The following RESF1 variants were observed in gnomAD, a reference collection of about 807,000 sequenced individuals.
The protein encoded by RESF1 is retroelement silencing factor 1.
In RESF1, 65 loss-of-function variants were observed where a neutral mutation model predicts 134.7. The ratio of observed to expected loss-of-function variants is 0.48; its 90% CI spans 0.40 to 0.59. The LOEUF (loss-of-function observed/expected upper bound fraction) is 0.59, where lower values mean the gene tolerates loss of function less well. Among genes scored for constraint, RESF1 ranks in the 20% least tolerant of loss-of-function variants. The pLI, the probability that RESF1 is intolerant of heterozygous loss-of-function variation, is 0.00. For missense variants in RESF1, 2,274 were observed against 2,002.7 expected (o/e 1.14, Z -2.59); for synonymous variants, 762 against 702.2 (o/e 1.09, Z -1.35).
In RESF1 at chr12:31,982,326, A is replaced by G. The variant is rs760757780; in HGVS notation, c.1371A>G (p.Ile457Met). The G allele has an allele frequency of 1.2e-6, 2 of 1,614,198 alleles. No homozygotes were observed. The highest frequency in any genetic ancestry group is 8.5e-7 in the Non-Finnish European group (1 of 1,180,034). Reference sequence around the variant, plus strand: ...CCAAAATCCAGTCTGGACCCCAGATAACTCCAGTAATGCCAGAGAATGCAG... The same window carrying G: ...CCAAAATCCAGTCTGGACCCCAGATGACTCCAGTAATGCCAGAGAATGCAG... ...QTAKIQSGPQ[I>M]TPVMPENAER... Residue 457 changes from isoleucine to methionine, a missense_variant, in exon 4 of 6, where the codon ATA becomes ATG. Ile to Met is a conservative substitution (Grantham distance 10, BLOSUM62 1). Coordinates refer to ENST00000312561, the MANE Select transcript of RESF1 (RefSeq NM_018169.4).
chr12:31,976,556 C>A (rs113891585), intron 3 of RESF1, among the ~76,000 whole-genome samples: 2 of 151,790 alleles, frequency 1.3e-5, no homozygotes, highest in African/African-American at 2.4e-5. Flanking sequence ...GGTGGTGGGA[C>A]CCTGTAATCC....
At chr12:31,988,456 T>C (rs1940021901) in intron 5 of RESF1, among the ~76,000 whole-genome samples, 1 of 152,208 alleles carries the variant, frequency 6.6e-6, no homozygotes, top group Admixed American at 6.5e-5. Flanking sequence ...ATTTAAGGTA[T>C]GTGTGGGGGG....
At chr12:31,963,373 A>C (rs78463160) in intron 2 of RESF1, among the ~76,000 whole-genome samples, 8,648 of 151,782 alleles carry the variant, frequency 0.057, 360 homozygotes, top group Admixed American at 0.13. Flanking sequence ...ATGGAGCACA[A>C]CCTTTGGGTT....
At position 31,992,860 on chromosome 12, in the gene RESF1, A is replaced by C; in HGVS notation, c.*325A>C. The C allele has an allele frequency of 7.2e-6, 2 of 277,556 alleles. No homozygotes were observed. The highest frequency in any genetic ancestry group is 8.1e-5 in the South Asian group (2 of 24,600). The allele number at this position is 277,556 out of a possible 1,614,324, so 17.2% of individuals were successfully genotyped here. A position where few individuals can be genotyped will look rare whatever the true frequency, so the allele number is the denominator to read the frequency against. On this transcript the variant is annotated 3_prime_UTR_variant, in exon 6 of 6. Coordinates refer to ENST00000312561, the MANE Select transcript of RESF1 (RefSeq NM_018169.4). The stretch of plus-strand genomic sequence containing the variant: ...CTTGAGGGAGGACCGTTCCTCAGTT[A>C]AGGACTTGTTTATTTAAATGGGACT...
intron 3 of RESF1, among the ~76,000 whole-genome samples, chr12:31,977,374 G>T (rs1185134971): frequency 1.3e-5 from 2 of 152,034 alleles, no homozygotes; most frequent in Non-Finnish European, 2.9e-5. Flanking sequence ...AGAGACGGGG[G>T]CTTCACCATC....
At position 31,992,504 on chromosome 12, in the gene RESF1, G is replaced by A; in HGVS notation, c.5213G>A (p.Ser1738Asn). 1 of 1,613,934 alleles carries A rather than the reference G, an allele frequency of 6.2e-7. No individual in the cohort carries two copies. Among genetic ancestry groups the A allele is most frequent in the Non-Finnish European group, 8.5e-7 (1 of 1,179,946 alleles). Residue 1738 changes from serine to asparagine, a missense_variant, in exon 6 of 6, where the codon AGC (serine) becomes AAC (asparagine). Transcript: ENST00000312561. ...TYKQMYLEKR[S>N]RSLGSSPVK ...AAACAGATGTACCTGGAGAAGAGAAGCAGAAGCCTTGGTAGCAGTCCTGTA... is the reference window on the plus strand; with the variant it reads ...AAACAGATGTACCTGGAGAAGAGAAACAGAAGCCTTGGTAGCAGTCCTGTA...
At position 31,985,589 on chromosome 12, in the gene RESF1, C is replaced by T; in HGVS notation, c.4634C>T (p.Pro1545Leu). The T allele has an allele frequency of 1.2e-6, 2 of 1,602,692 alleles. No homozygotes were observed. Among genetic ancestry groups the T allele is most frequent in the South Asian group, 2.3e-5 (2 of 88,300 alleles). Reference protein sequence around the residue: ...NVKEKVGGKQPDKIWIDKTKL... With the variant: ...NVKEKVGGKQLDKIWIDKTKL... ...AAAGAAAAAGTTGGTGGGAAGCAGCCTGATAAAATATGGATTGATAAGACT... is the reference window on the plus strand; with the variant it reads ...AAAGAAAAAGTTGGTGGGAAGCAGCTTGATAAAATATGGATTGATAAGACT... Residue 1545 changes from proline to leucine, a missense_variant, in exon 4 of 6, where the codon CCT becomes CTT. Transcript: ENST00000312561.
chr12:31,973,314 T>A (rs917319119), intron 3 of RESF1, among the ~76,000 whole-genome samples: 5 of 130,834 alleles, frequency 3.8e-5, no homozygotes, highest in Admixed American at 3.0e-4. Flanking sequence ...GGATTTGACT[T>A]TTTTTTTTTT....
chr12:31,985,828 G>A lies in RESF1; in HGVS notation c.4873G>A (p.Gly1625Ser). 6.4e-7 allele frequency: 1 copy of A among 1,563,444 alleles called. No individual in the cohort carries two copies. Among genetic ancestry groups the A allele is most frequent in the Non-Finnish European group, 8.6e-7 (1 of 1,162,986 alleles). Residue 1625 changes from glycine to serine, a missense_variant, in exon 4 of 6, where the codon GGT becomes AGT. Gly to Ser is a moderately conservative substitution (Grantham distance 56). Coordinates refer to ENST00000312561, the MANE Select transcript of RESF1 (RefSeq NM_018169.4). ...NKHKTFLPVK[G>S]NTEKSNMLEF... ...ACATAAGACCTTTTTACCGGTGAAA[G>A]GTAACACAGAAAAATCAAACATGCT...
intron 1 of RESF1, chr12:31,959,914 C>T (rs928712218): frequency 6.6e-6 from 1 of 151,972 alleles, no homozygotes; most frequent in African/African-American, 2.4e-5. Context: ...GGTATGAGAG[C>T]TGCTTATGTT....
chr12:31,967,219 A>G (rs1297746692), intron 2 of RESF1, among the ~76,000 whole-genome samples: 7 of 152,198 alleles, frequency 4.6e-5, no homozygotes, highest in African/African-American at 1.7e-4. Flanking sequence ...TTAGTAATAT[A>G]TGAATCCATT....
rs147191685 is a variant in RESF1, at chr12:31,982,806, T to C, written c.1851T>C (p.Asn617=). The change falls in exon 4 of 6, where the codon AAT becomes AAC. Residue 617 remains asparagine, a synonymous_variant. Transcript: ENST00000312561. ...QDSKPDSCEM[N]PNTQMTGNQL... is the part of the protein sequence containing the mutation. Reference sequence around the variant, plus strand: ...CTAAACCAGACAGTTGTGAAATGAATCCAAATACCCAAATGACTGGTAACC... The same window carrying C: ...CTAAACCAGACAGTTGTGAAATGAACCCAAATACCCAAATGACTGGTAACC... 1.3e-3 allele frequency: 2,073 copies of C among 1,614,172 alleles called. 5 individuals are homozygous for C. Among genetic ancestry groups the C allele is most frequent in the South Asian group, 1.8e-3 (163 of 91,078 alleles).
chr12:31,981,361 G>C lies in RESF1; in HGVS notation c.406G>C (p.Val136Leu). The C allele has an allele frequency of 6.2e-7, 1 of 1,614,092 alleles. No homozygotes were observed. The highest frequency in any genetic ancestry group is 8.5e-7 in the Non-Finnish European group (1 of 1,180,006). ...NPVHSHIGAT[V>L]SHQTDFGANV... ...TGTGCATTCTCATATAGGGGCAACT[G>C]TATCTCATCAAACTGATTTTGGAGC... is the stretch of plus-strand genomic sequence containing the variant. The change falls in exon 4 of 6, where the codon GTA becomes CTA. Residue 136 changes from valine (V) to leucine (L), a missense_variant. Physicochemically the swap from Val to Leu is conservative, Grantham distance 32 (BLOSUM62 1). Coordinates refer to ENST00000312561, the MANE Select transcript of RESF1 (RefSeq NM_018169.4).
intron 3 of RESF1, among the ~76,000 whole-genome samples, chr12:31,973,406 C>T (rs1939558058): frequency 6.6e-6 from 1 of 152,080 alleles, no homozygotes; most frequent in East Asian, 1.9e-4. Flanking sequence ...CATCTGGGCT[C>T]AAACAGTCCT....
At chr12:31,989,212 C>G (rs1027061865) in intron 5 of RESF1, among the ~76,000 whole-genome samples, 1 of 149,564 alleles carries the variant, frequency 6.7e-6, no homozygotes, top group Admixed American at 6.7e-5. Flanking sequence ...CTGGCTAACA[C>G]GGTGAAACCC....
In RESF1 at chr12:31,984,963, A is replaced by G. The variant is rs766363030; in HGVS notation, c.4008A>G (p.Thr1336=). Reference sequence around the variant, plus strand: ...CACAGAACTCACGTCCACTAAAAACAAAAACAGCTTTTTTGCCAAATAAAG... The same window carrying G: ...CACAGAACTCACGTCCACTAAAAACGAAAACAGCTTTTTTGCCAAATAAAG... ...HVTQNSRPLK[T]KTAFLPNKDV... The change falls in exon 4 of 6, where the codon ACA becomes ACG. Residue 1336 remains threonine (T), a synonymous_variant. Transcript: ENST00000312561. 3 of 1,613,342 alleles carry G rather than the reference A, an allele frequency of 1.9e-6. No homozygotes were observed. In the Admixed American group the frequency reaches 5.0e-5, roughly 27 times the overall value.
chr12:31,991,858 T>A (rs1242754517), intron 5 of RESF1, among the ~76,000 whole-genome samples: 1 of 152,214 alleles, frequency 6.6e-6, no homozygotes, highest in Non-Finnish European at 1.5e-5. Context: ...TCAACATATT[T>A]TCAATAGGTG....
intron 2 of RESF1, among the ~76,000 whole-genome samples, chr12:31,961,224 G>A (rs12809390): frequency 0.099 from 15,032 of 152,156 alleles, 833 homozygotes; most frequent in East Asian, 0.16. Flanking sequence ...GGAATGTGGC[G>A]CAGAGCACCA....
chr12:31,985,872 A>G lies in RESF1; in HGVS notation c.4917A>G (p.Pro1639=), dbSNP rs1210489443. ...ACATGCTGGAGTTTAAATTATGTCCAGATATCTTACTAAAGAATACAAACT... is the reference window on the plus strand; with the variant it reads ...ACATGCTGGAGTTTAAATTATGTCCGGATATCTTACTAAAGAATACAAACT... ...KSNMLEFKLC[P]DILLKNTNSV... is the part of the protein sequence containing the mutation. The change falls in exon 4 of 6, where the codon CCA becomes CCG. Residue 1639 remains proline (P), a synonymous_variant. Coordinates refer to ENST00000312561, the MANE Select transcript of RESF1 (RefSeq NM_018169.4). 2.6e-6 allele frequency: 4 copies of G among 1,549,226 alleles called. No homozygotes were observed. The South Asian group carries it at 5.1e-5, about 20-fold the overall frequency.
Sources: allele counts gnomAD v4.1 joint callset (sites outside exome capture counted in the v4.1 genomes callset), GRCh38; gene constraint gnomAD v4.1.1; transcripts MANE v1.5; gene names NCBI Gene and HGNC (gene_info 2026-07-23, HGNC 2026-07-21).